Variants in EIF4G3 observed in about 807,000 individuals in gnomAD.
EIF4G3 encodes eukaryotic translation initiation factor 4 gamma 3.
Under a neutral mutation model 186.4 loss-of-function variants are expected in EIF4G3, and 34 were observed. The observed-to-expected ratio is 0.18, with a 90% CI of 0.14 to 0.24. EIF4G3 has a LOEUF of 0.24. Ranked by LOEUF, EIF4G3 falls within the 10% of genes least tolerant of loss-of-function variation. The pLI is 1.00. For missense variants in EIF4G3, 1,536 were observed against 1,948.5 expected (o/e 0.79, Z 3.99); for synonymous variants, 673 against 679.5 (o/e 0.99, Z 0.15).
At chr1:21,025,183 G>C (rs1359411229) in intron 4 of EIF4G3, among the ~76,000 whole-genome samples, 1 of 152,212 alleles carries the variant, frequency 6.6e-6, no homozygotes, top group Non-Finnish European at 1.5e-5. Context: ...AGAAGTGCAT[G>C]AGGTAGAGTG....
intron 20 of EIF4G3, among the ~76,000 whole-genome samples, chr1:20,875,685 G>GT (rs2080551033): frequency 6.6e-6 from 1 of 152,198 alleles, no homozygotes; most frequent in Non-Finnish European, 1.5e-5. Context: ...AAGGAGGCAG[G>GT]AAGATTGCTT....
intron 10 of EIF4G3, among the ~76,000 whole-genome samples, chr1:20,979,275 A>G (rs1230658522): frequency 6.6e-6 from 1 of 152,096 alleles, no homozygotes; most frequent in African/African-American, 2.4e-5. Context: ...AACACTTTTA[A>G]TTTTTCAAGG....
intron 3 of EIF4G3, among the ~76,000 whole-genome samples, chr1:21,088,087 C>A (rs1169169139): frequency 6.6e-6 from 1 of 151,772 alleles, no homozygotes; most frequent in East Asian, 1.9e-4. Context: ...CAGAGTGAGA[C>A]CCGATCTCTT....
At chr1:20,976,652 G>A (rs1032328432) in intron 10 of EIF4G3, among the ~76,000 whole-genome samples, 2 of 152,132 alleles carry the variant, frequency 1.3e-5, no homozygotes, top group African/African-American at 4.8e-5. Context: ...TGAATGGCAG[G>A]AAGAGTATCT....
intron 33 of EIF4G3, among the ~76,000 whole-genome samples, chr1:20,819,671 C>T (rs117952425): frequency 1.3e-5 from 2 of 151,932 alleles, no homozygotes; most frequent in African/African-American, 2.4e-5. Flanking sequence ...ACAACACACA[C>T]GAACCTATCA....
rs771999998 is a variant in EIF4G3 at position 20,860,667 on chromosome 1, G to C, written c.3112-150C>G. ...TCATGTATCTTATAGATGACACTAT[G>C]AGCAGTTTAGGATTAGAGCTGAAGG... is the stretch of plus-strand genomic sequence containing the variant. On this transcript the variant is annotated intron_variant, in intron 23 of 36. Coordinates refer to ENST00000602326, the MANE Select transcript of EIF4G3 (RefSeq NM_001391906.1). The C allele has an allele frequency of 6.4e-4, 584 of 919,420 alleles. No individual in the cohort carries two copies. The Middle Eastern group carries it at 0.01, about 16-fold the overall frequency. The allele number at this position is 919,420 out of a possible 1,614,324, so 57.0% of individuals were successfully genotyped here. A position where few individuals can be genotyped will look rare whatever the true frequency, so the allele number is the denominator to read the frequency against.
chr1:20,860,599 G>A (rs1571807229), intron 23 of EIF4G3, 82 bp from the exon 24 acceptor site: 1 of 1,467,476 alleles, frequency 6.8e-7, no homozygotes, highest in South Asian at 1.3e-5. Flanking sequence ...TTTACTACTG[G>A]AAAAGTACAA....
At chr1:20,933,984 G>A (rs745619321) in intron 14 of EIF4G3, among the ~76,000 whole-genome samples, 16 of 152,176 alleles carry the variant, frequency 1.1e-4, no homozygotes, top group Admixed American at 2.0e-4. Context: ...ACAGGCATGA[G>A]CCACTACGCC....
chr1:20,957,630 T>C (rs1328072995), intron 12 of EIF4G3, among the ~76,000 whole-genome samples: 1 of 151,492 alleles, frequency 6.6e-6, no homozygotes, highest in Non-Finnish European at 1.5e-5. Context: ...ACATTGGTTC[T>C]TTGAAAAAAT....
intron 2 of EIF4G3, among the ~76,000 whole-genome samples, chr1:21,121,102 C>T (rs918327272): frequency 6.6e-6 from 1 of 152,052 alleles, no homozygotes; most frequent in African/African-American, 2.4e-5. Context: ...ATATTTTATA[C>T]AGACAGTGTC....
chr1:20,877,939 G>C (rs532083186), intron 20 of EIF4G3, among the ~76,000 whole-genome samples: 16 of 152,194 alleles, frequency 1.1e-4, no homozygotes, highest in Non-Finnish European at 1.6e-4. Context: ...AGCCTCCTGA[G>C]TTCAAGTGAT....
rs191083493 is a variant in EIF4G3 at position 20,957,593 on chromosome 1, A to G, written c.715-7482T>C. Reference sequence around the variant, plus strand: ...GAAATTCAAACAAACAAACAAAAAAAGCATTACAAAAGATCAATGAAACAA... The same window carrying G: ...GAAATTCAAACAAACAAACAAAAAAGGCATTACAAAAGATCAATGAAACAA... On this transcript the variant is annotated intron_variant, in intron 12 of 36. Transcript: ENST00000602326. Among the ~76,000 whole-genome samples the G allele has an allele frequency of 3.2e-3, 494 of 152,184 alleles. 10 individuals carry two copies. Among genetic ancestry groups the G allele is most frequent in the Admixed American group, 0.03 (453 of 15,290 alleles).
chr1:21,022,774 T>G (rs1403539523), intron 4 of EIF4G3, among the ~76,000 whole-genome samples: 2 of 152,170 alleles, frequency 1.3e-5, no homozygotes. Context: ...AAACCAAGTC[T>G]CTCCAGTTGA....
intron 5 of EIF4G3, 56 bp downstream of exon 5, chr1:21,002,657 T>TAC: frequency 2.5e-6 from 4 of 1,575,106 alleles, no homozygotes; most frequent in Non-Finnish European, 3.4e-6. Context: ...CCCAAGCCAC[T>TAC]ACACACACAA....
rs938586213 is a variant in EIF4G3 at position 20,982,092 on chromosome 1, T to C, written c.198+296A>G. ...CACATGCTGAACTAAGCAGTTTTTT[T>C]CCTCTCCAAAAGGTGGCACAATCCC... On this transcript the variant is annotated intron_variant, in intron 8 of 36. Transcript: ENST00000602326. 2.0e-5 allele frequency among the ~76,000 whole-genome samples: 3 copies of C among 152,186 alleles called. No homozygotes were observed. The East Asian group carries it at 5.8e-4, about 29-fold the overall frequency.
At chr1:20,939,847 GTTT>G (rs538504683) in intron 14 of EIF4G3, among the ~76,000 whole-genome samples, 6 of 89,950 alleles carry the variant, frequency 6.7e-5, no homozygotes, top group Admixed American at 4.3e-4. Context: ...AAGTTGTTTA[GTTT>G]TTTTTTTTTT....
At chr1:20,808,509 G>A (rs113524475) in intron 36 of EIF4G3, among the ~76,000 whole-genome samples, 17,400 of 151,638 alleles carry the variant, frequency 0.11, 1,248 homozygotes, top group East Asian at 0.32. Flanking sequence ...GTGAAACCCC[G>A]TCTCTACTAA....
In EIF4G3 at chr1:21,007,515, T is replaced by TAAAAAAAAAAAAAAAAAA. The variant is rs368328382; in HGVS notation, c.-66-4725_-66-4708dup. Among the ~76,000 whole-genome samples, 13 of 14,818 alleles carry TAAAAAAAAAAAAAAAAAA rather than the reference T, an allele frequency of 8.8e-4. 3 individuals are homozygous for TAAAAAAAAAAAAAAAAAA. The highest frequency in any genetic ancestry group is 4.3e-3 in the South Asian group (1 of 234). 9.7% of individuals were successfully genotyped at this position (14,818 alleles called of 152,430 possible). Reference sequence around the variant, plus strand: ...AATATATTCACAATGGGCCCCTCCTTAAAAAAAAAAAAAAAAAAAAAACAC... The same window carrying TAAAAAAAAAAAAAAAAAA: ...AATATATTCACAATGGGCCCCTCCTTAAAAAAAAAAAAAAAAAAAAAAAAAAAAAAAAAAAAAAAACAC... On this transcript the variant is annotated intron_variant, in intron 4 of 36. Transcript: ENST00000602326.
intron 14 of EIF4G3, among the ~76,000 whole-genome samples, chr1:20,937,326 T>C (rs1409001174): frequency 6.6e-6 from 1 of 152,208 alleles, no homozygotes; most frequent in Non-Finnish European, 1.5e-5. Flanking sequence ...GGCTTTGGGA[T>C]AGAACTGTAG....
Sources: allele counts gnomAD v4.1 joint callset (sites outside exome capture counted in the v4.1 genomes callset), GRCh38; gene constraint gnomAD v4.1.1; transcripts MANE v1.5; gene names NCBI Gene and HGNC (gene_info 2026-07-23, HGNC 2026-07-21).